The following LTA4H variants were observed in gnomAD, a reference collection of about 807,000 sequenced individuals.
LTA4H encodes the protein leukotriene A-4 hydrolase.
Under a neutral mutation model 89.8 loss-of-function variants are expected in LTA4H, and 59 were observed. That is an observed-to-expected ratio of 0.66 (90% CI 0.53 to 0.82). The LOEUF (loss-of-function observed/expected upper bound fraction) is 0.82. LTA4H is among the 40% of genes least tolerant of loss of function. The probability of loss-of-function intolerance (pLI) is 0.00; values close to 1 mark genes in which losing one functional copy is unlikely to be tolerated. For missense variants in LTA4H, 617 were observed against 727.0 expected, an observed-to-expected ratio of 0.85 and a Z score of 1.74; for synonymous variants, 227 against 253.1, an observed-to-expected ratio of 0.90 and a Z score of 0.98.
At chr12:96,014,751 G>T in intron 12 of LTA4H, 104 bp downstream of exon 12, 1 of 1,071,536 alleles carries the variant, frequency 9.3e-7, no homozygotes, top group South Asian at 1.7e-5. Context: ...CATCCAGAAT[G>T]AATTGGAAGT....
At chr12:96,023,607 A>G (rs1179062309) in intron 4 of LTA4H, among the ~76,000 whole-genome samples, 1 of 152,210 alleles carries the variant, frequency 6.6e-6, no homozygotes, top group Non-Finnish European at 1.5e-5. Flanking sequence ...TTGGGAAGCA[A>G]GAAGGCCCCA....
At chr12:96,013,045 G>T in intron 14 of LTA4H, 143 bp downstream of exon 14, 1 of 590,612 alleles carries the variant, frequency 1.7e-6, no homozygotes, top group Non-Finnish European at 3.0e-6. Flanking sequence ...TTGGCCTCAG[G>T]GTTAAGGCCA....
chr12:96,018,404 C>G (rs1209590350), intron 8 of LTA4H, among the ~76,000 whole-genome samples: 1 of 152,066 alleles, frequency 6.6e-6, no homozygotes, highest in African/African-American at 2.4e-5. Flanking sequence ...CAAAAATTAG[C>G]TGGGCATGGT....
Position 96,027,496 on chromosome 12 carries a change from G to GT in LTA4H, c.358dup (p.Thr120AsnfsTer3). On this transcript the variant is annotated frameshift_variant, in exon 3 of 19. Transcript: ENST00000228740. LOFTEE classifies it high-confidence loss of function. ...TTCCTTCCCAGAAGTCTGTTCAGGA[G>GT]TGAGCCACTGGAGAGCAGAAGATTT... The GT allele has an allele frequency of 6.2e-7, 1 of 1,612,380 alleles. No individual in the cohort carries two copies. Among genetic ancestry groups the GT allele is most frequent in the African/African-American group, 1.3e-5 (1 of 74,998 alleles).
chr12:96,009,710 T>G (rs955203969), intron 14 of LTA4H: 1 of 152,398 alleles, frequency 6.6e-6, no homozygotes, highest in Non-Finnish European at 1.5e-5. Flanking sequence ...AAGCAAATTA[T>G]ACCAATATTT....
chr12:96,015,212 A>T (rs1471025584), intron 11 of LTA4H: 4 of 508,400 alleles, frequency 7.9e-6, no homozygotes, highest in Non-Finnish European at 1.0e-5. Flanking sequence ...TTCTTGCTCA[A>T]TAATACAGGC....
At chr12:96,025,426 A>C (rs1003846469) in intron 3 of LTA4H, 2 of 152,244 alleles carry the variant, frequency 1.3e-5, no homozygotes, top group African/African-American at 4.8e-5. Flanking sequence ...AAAGAAGCAA[A>C]GAAGGGAGAA....
chr12:96,003,094 G>A, intron 17 of LTA4H, 30 bp from the exon 18 acceptor site: 1 of 1,458,576 alleles, frequency 6.9e-7, no homozygotes, highest in Non-Finnish European at 9.5e-7. Flanking sequence ...GGAGCATGGA[G>A]TAGAAAATGA....
chr12:96,005,047 CTTT>C (rs1299968511), intron 16 of LTA4H, among the ~76,000 whole-genome samples: 1 of 152,190 alleles, frequency 6.6e-6, no homozygotes, highest in African/African-American at 2.4e-5. Flanking sequence ...TCCAAATCTT[CTTT>C]CTTCTCAAGG....
At chr12:96,007,758 C>T (rs1950225852) in intron 15 of LTA4H, among the ~76,000 whole-genome samples, 1 of 152,182 alleles carries the variant, frequency 6.6e-6, no homozygotes, top group African/African-American at 2.4e-5. Flanking sequence ...TTTTAACTAG[C>T]ACCAAATAAG....
At chr12:96,036,075 C>T (rs886199548), upstream of LTA4H, among the ~76,000 whole-genome samples, 1 of 152,046 alleles carries the variant, frequency 6.6e-6, no homozygotes, top group Admixed American at 6.5e-5. Flanking sequence ...GACCGGGGTT[C>T]GATTCCCCGA....
upstream of LTA4H, chr12:96,035,640 A>C (rs1200572657): frequency 2.1e-6 from 3 of 1,434,256 alleles, no homozygotes; most frequent in African/African-American, 4.3e-5. Flanking sequence ...TTCGCGGTGC[A>C]CGCCGGGAAA....
Position 96,017,039 on chromosome 12 carries a change from C to T in LTA4H, c.947+5G>A. The stretch of plus-strand genomic sequence containing the variant: ...CCAATAAAGAAATAATAACAAAAAT[C>T]TTACCAAAAGTGATCCCAAGTTTTG... On this transcript the variant is annotated splice_donor_5th_base_variant and intron_variant, in intron 10 of 18. Coordinates refer to ENST00000228740, the MANE Select transcript of LTA4H (RefSeq NM_000895.3). 6.2e-7 allele frequency: 1 copy of T among 1,601,766 alleles called. No individual in the cohort carries two copies. The highest frequency in any genetic ancestry group is 1.1e-5 in the South Asian group (1 of 90,590).
rs907708913 is a variant in LTA4H, at chr12:96,043,320, A to G, written c.56T>C (p.Val19Ala). ...GGCTGCAAGAAGTCGACGAGTCTTAACTGGGATATGCATGGTCGGTACTTG... is the reference window on the plus strand; with the variant it reads ...GGCTGCAAGAAGTCGACGAGTCTTAGCTGGGATATGCATGGTCGGTACTTG... The change falls in exon 1 of 18, where the codon GTT (valine) becomes GCT (alanine). Residue 19 changes from valine (V) to alanine (A), a missense_variant. Coordinates refer to the LTA4H transcript ENST00000413268. The G allele has an allele frequency of 6.5e-6, 10 of 1,535,530 alleles. No homozygotes were observed. In the African/African-American group the frequency reaches 9.6e-5, roughly 15 times the overall value.
At chr12:96,035,233 C>A in intron 1 of LTA4H, 128 bp downstream of exon 1, 1 of 913,496 alleles carries the variant, frequency 1.1e-6, no homozygotes, top group South Asian at 1.7e-5. Context: ...TACAGAAGAG[C>A]AGACGGGGAC....
intron 16 of LTA4H, among the ~76,000 whole-genome samples, chr12:96,005,474 T>C (rs1324566568): frequency 6.6e-6 from 1 of 152,230 alleles, no homozygotes; most frequent in Non-Finnish European, 1.5e-5. Flanking sequence ...TAGCTTAGCA[T>C]TGAGAGTCAT....
At chr12:96,009,066 G>T in intron 15 of LTA4H, 28 bp downstream of exon 15, 2 of 1,528,974 alleles carry the variant, frequency 1.3e-6, no homozygotes, top group Non-Finnish European at 1.8e-6. Context: ...ATTCAAAAAG[G>T]AATCAAAAAT....
chr12:96,004,289 T>C (rs895574586), intron 16 of LTA4H, among the ~76,000 whole-genome samples: 2 of 152,226 alleles, frequency 1.3e-5, no homozygotes, highest in Non-Finnish European at 2.9e-5. Flanking sequence ...GATGAAATCA[T>C]AGTTCCTTAA....
At chr12:96,012,425 A>G (rs1207290473) in intron 14 of LTA4H, 1 of 152,440 alleles carries the variant, frequency 6.6e-6, no homozygotes, top group Non-Finnish European at 1.5e-5. Context: ...AAAGCAGTAT[A>G]TTGAGGCCGG....
Sources: gnomAD v4.1 joint callset for allele counts (sites outside exome capture counted in the v4.1 genomes callset) on GRCh38, gnomAD v4.1.1 for gene constraint, MANE v1.5 for transcripts, NCBI Gene and HGNC (gene_info 2026-07-23, HGNC 2026-07-21) for gene names.